CHD7: variants seen among roughly 807,000 people sequenced by gnomAD.
The protein encoded by CHD7 is ATP-dependent chromatin remodeler CHD7.
In CHD7, 24 loss-of-function variants were observed where a neutral mutation model predicts 307.3. The ratio of observed to expected loss-of-function variants is 0.08; its 90% CI spans 0.06 to 0.11. CHD7 has a LOEUF of 0.11. Among genes scored for constraint, CHD7 ranks in the 10% least tolerant of loss-of-function variants. The probability of loss-of-function intolerance (pLI) is 1.00; values close to 1 mark genes in which losing one functional copy is unlikely to be tolerated. For missense variants in CHD7, 3,106 were observed against 3,727.1 expected, an observed-to-expected ratio of 0.83 and a Z score of 4.34; for synonymous variants, 1,363 against 1,349.9, an observed-to-expected ratio of 1.01 and a Z score of -0.21.
At chr8:60,861,857 G>C (rs1382710717) in intron 35 of CHD7, 1 of 185,934 alleles carries the variant, frequency 5.4e-6, no homozygotes, top group African/African-American at 2.4e-5. Flanking sequence ...TATCATCTCT[G>C]TGTTCATTGG....
intron 6 of CHD7, among the ~76,000 whole-genome samples, chr8:60,805,895 TATC>T (rs1291811594): frequency 6.6e-6 from 1 of 152,180 alleles, no homozygotes; most frequent in Non-Finnish European, 1.5e-5. Context: ...ATATAATTAT[TATC>T]AGAAGGGCAA....
rs747270901 is a variant in CHD7 at position 60,848,491 on chromosome 8, TC to T, written c.5211-18del. 5.8e-5 allele frequency: 92 copies of T among 1,582,118 alleles called. No homozygotes were observed. In the Middle Eastern group the frequency reaches 8.3e-4, roughly 14 times the overall value. On this transcript the variant is annotated intron_variant, in intron 23 of 37. Coordinates refer to ENST00000423902, the MANE Select transcript of CHD7 (RefSeq NM_017780.4). Reference sequence around the variant, plus strand: ...AACAGTCCTGAAGTTAAGAACTTTTTCCCCCCTCTGTCTTCCTCTCCAGGGT... The same window carrying T: ...AACAGTCCTGAAGTTAAGAACTTTTTCCCCCTCTGTCTTCCTCTCCAGGGT...
At chr8:60,695,268 T>C (rs2150496435) in intron 1 of CHD7, among the ~76,000 whole-genome samples, 1 of 152,340 alleles carries the variant, frequency 6.6e-6, no homozygotes, top group South Asian at 2.1e-4. Flanking sequence ...AACTTACAGT[T>C]CAAGAAAATA....
In CHD7 at chr8:60,856,136, C is replaced by T. The variant is rs776644516; in HGVS notation, c.7098C>T (p.Leu2366=). The part of the protein sequence containing the change: ...SPLQKRSFAE[L]SMVGQASISG... ...TGCAGAAGAGGAGCTTTGCTGAGCT[C>T]TCCATGGTCGGCCAAGCCAGCATTA... Residue 2366 remains leucine (L), a synonymous_variant, in exon 33 of 38, where the codon CTC becomes CTT. Coordinates refer to ENST00000423902, the MANE Select transcript of CHD7 (RefSeq NM_017780.4). 1.2e-6 allele frequency: 2 copies of T among 1,609,202 alleles called. No individual in the cohort carries two copies. Among genetic ancestry groups the T allele is most frequent in the Non-Finnish European group, 1.7e-6 (2 of 1,177,686 alleles).
chr8:60,680,411 CGGG>C (rs1563509645), intron 1 of CHD7, among the ~76,000 whole-genome samples: 2 of 10,964 alleles, frequency 1.8e-4, no homozygotes, highest in African/African-American at 9.2e-4. Flanking sequence ...GGGGGGGGGG[CGGG>C]GGCGGCGGCG....
intron 1 of CHD7, among the ~76,000 whole-genome samples, chr8:60,724,490 C>T (rs187736455): frequency 1.9e-3 from 285 of 152,268 alleles, no homozygotes; most frequent in Non-Finnish European, 1.7e-3. Context: ...TGAATCGCTT[C>T]CAAGTAGCCT....
At chr8:60,803,805 T>C (rs1229970910) in intron 6 of CHD7, among the ~76,000 whole-genome samples, 2 of 152,244 alleles carry the variant, frequency 1.3e-5, no homozygotes, top group Non-Finnish European at 2.9e-5. Flanking sequence ...AAGAAAGTGT[T>C]GCAAATAGAA....
intron 1 of CHD7, among the ~76,000 whole-genome samples, chr8:60,686,745 C>T (rs1805917820): frequency 6.6e-6 from 1 of 151,602 alleles, no homozygotes; most frequent in South Asian, 2.1e-4. Flanking sequence ...ACCTCCTTTC[C>T]CTAGTATCCT....
chr8:60,753,488 A>G (rs1273970547), intron 2 of CHD7, among the ~76,000 whole-genome samples: 7 of 152,218 alleles, frequency 4.6e-5, no homozygotes, highest in African/African-American at 1.7e-4. Flanking sequence ...TTCAAAACCA[A>G]TATTCACACA....
intron 1 of CHD7, among the ~76,000 whole-genome samples, chr8:60,680,507 C>T (rs1805565797): frequency 2.0e-5 from 3 of 151,802 alleles, no homozygotes; most frequent in Admixed American, 2.0e-4. Context: ...CCATCATTAC[C>T]GAGCCGCCTT....
rs2150761372 is a variant in CHD7, at chr8:60,828,801, G to A, written c.3517G>A (p.Glu1173Lys). 1 of 1,613,164 alleles carries A rather than the reference G, an allele frequency of 6.2e-7. No homozygotes were observed. The highest frequency in any genetic ancestry group is 8.5e-7 in the Non-Finnish European group (1 of 1,179,468). The change falls in exon 14 of 38, where the codon GAG becomes AAG. Residue 1173 changes from glutamate to lysine, a missense_variant. Transcript: ENST00000423902. ...AGAATTTGGTGATCTAAAAACAGAA[G>A]AGCAGGTATTTATCAGCTCCACTTT... ...MQEFGDLKTEEQVQKLQAILK... is the reference protein window; with the variant it reads ...MQEFGDLKTEKQVQKLQAILK...
Position 60,852,570 on chromosome 8 carries a change from A to T in CHD7, c.5967A>T (p.Lys1989Asn). Reference sequence around the variant, plus strand: ...TTGGGGTTATTTTTGACCCTGTGAAACAGCAATTTGACTGGAACCAATTTA... The same window carrying T: ...TTGGGGTTATTTTTGACCCTGTGAATCAGCAATTTGACTGGAACCAATTTA... ...STFGVIFDPV[K>N]QQFDWNQFRA... Residue 1989 changes from lysine to asparagine, a missense_variant, in exon 30 of 38, where the codon AAA becomes AAT. This residue lies in a region of CHD7 where 1,030 missense variants were observed against 1,165.4 expected (regional missense o/e 0.88). Transcript: ENST00000423902. 6.2e-7 allele frequency: 1 copy of T among 1,613,950 alleles called. No homozygotes were observed. The highest frequency in any genetic ancestry group is 8.5e-7 in the Non-Finnish European group (1 of 1,179,860).
At chr8:60,754,868 G>A (rs7012450) in intron 2 of CHD7, among the ~76,000 whole-genome samples, 124,574 of 152,190 alleles carry the variant, frequency 0.82, 51,300 homozygotes, top group East Asian at 0.94. Flanking sequence ...TATAATATAT[G>A]TAGTTCTACA....
At chr8:60,809,739 A>G (rs1397224119) in intron 7 of CHD7, 4 of 151,864 alleles carry the variant, frequency 2.6e-5, no homozygotes, top group African/African-American at 9.7e-5. Context: ...GCTAAGAGAA[A>G]TTAAGATTTC....
chr8:60,822,858 A>G, intron 12 of CHD7, 112 bp downstream of exon 12: 2 of 929,978 alleles, frequency 2.2e-6, no homozygotes, highest in Non-Finnish European at 3.1e-6. Context: ...AAATTGAGAA[A>G]TTTGCTTTAG....
At chr8:60,716,455 C>G (rs544854837) in intron 1 of CHD7, among the ~76,000 whole-genome samples, 1 of 152,300 alleles carries the variant, frequency 6.6e-6, no homozygotes, top group Admixed American at 6.5e-5. Context: ...GTGCCAGTTC[C>G]CCTCTCAGTC....
Position 60,742,411 on chromosome 8 carries a change from G to A in CHD7, c.979G>A (p.Gly327Arg), listed in dbSNP as rs1809088188. The A allele has an allele frequency of 6.2e-7, 1 of 1,613,844 alleles. No homozygotes were observed. The highest frequency in any genetic ancestry group is 1.3e-5 in the African/African-American group (1 of 74,912). The part of the protein sequence containing the change: ...NLNQGLVNNT[G>R]MNQNLGLTNN... Reference sequence around the variant, plus strand: ...AAATCAGGGATTAGTTAACAATACAGGGATGAATCAAAATTTAGGCCTTAC... The same window carrying A: ...AAATCAGGGATTAGTTAACAATACAAGGATGAATCAAAATTTAGGCCTTAC... Residue 327 changes from glycine (G) to arginine (R), a missense_variant, in exon 2 of 38, where the codon GGG (glycine) becomes AGG (arginine). Physicochemically the swap from Gly to Arg is moderately radical, Grantham distance 125. Transcript: ENST00000423902.
chr8:60,797,717 C>T (rs1297265476), intron 4 of CHD7, among the ~76,000 whole-genome samples: 1 of 152,148 alleles, frequency 6.6e-6, no homozygotes, highest in Non-Finnish European at 1.5e-5. Context: ...AAATGAAATA[C>T]AACATGTTAT....
chr8:60,851,773 TAA>T (rs1805466425), intron 28 of CHD7, among the ~76,000 whole-genome samples: 1 of 152,260 alleles, frequency 6.6e-6, no homozygotes, highest in African/African-American at 2.4e-5. Context: ...GTTTATGCTG[TAA>T]AGTGTGTTTC....
Sources: gnomAD v4.1 joint callset for allele counts (sites outside exome capture counted in the v4.1 genomes callset) on GRCh38, gnomAD v4.1.1 for gene constraint, gnomAD v4.1.1 regional missense constraint, MANE v1.5 for transcripts, NCBI Gene and HGNC (gene_info 2026-07-23, HGNC 2026-07-21) for gene names.